Variants in AUTS2 observed in about 807,000 individuals in gnomAD.
AUTS2 encodes the protein autism susceptibility gene 2 protein.
AUTS2 carries 17 observed loss-of-function variants against 112.4 expected under a neutral mutation model. The observed-to-expected ratio is 0.15, with a 90% confidence interval of 0.10 to 0.23. AUTS2 has a LOEUF of 0.23. Ranked by LOEUF, AUTS2 falls within the 10% of genes least tolerant of loss-of-function variation. AUTS2 has a pLI of 1.00. For synonymous variants in AUTS2, 751 were observed against 702.7 expected (o/e 1.07, Z -1.09); for missense variants, 1,510 against 1,701.6 (o/e 0.89, Z 1.98).
Position 70,043,593 on chromosome 7 carries a change from CTTCCTTCCTTCCT to C in AUTS2, c.523-74536_523-74524del, listed in dbSNP as rs1223102031. Reference sequence around the variant, plus strand: ...CCTTCCTTCCTTCCTTCCTTCCTTCCTTCCTTCCTTCCTTTTTTTTTTTTTTTTATTTTTGGTC... The same window carrying C: ...CCTTCCTTCCTTCCTTCCTTCCTTCCTTTTTTTTTTTTTTTATTTTTGGTC... On this transcript the variant is annotated intron_variant, in intron 2 of 18. Transcript: ENST00000342771. 5.2e-4 allele frequency among the ~76,000 whole-genome samples: 39 copies of C among 74,932 alleles called. 1 individual carries two copies. The highest frequency in any genetic ancestry group is 9.3e-4 in the Non-Finnish European group (33 of 35,410). 49.2% of individuals were successfully genotyped at this position (74,932 alleles called of 152,430 possible). A position where few individuals can be genotyped will look rare whatever the true frequency, so the allele number is the denominator to read the frequency against.
chr7:70,535,630 G>T (rs992871923), intron 5 of AUTS2, among the ~76,000 whole-genome samples: 4 of 152,040 alleles, frequency 2.6e-5, no homozygotes, highest in Admixed American at 6.5e-5. Context: ...AGCCAGGCTG[G>T]TCTCAAACTC....
chr7:69,983,257 T>C (rs1019898778), intron 2 of AUTS2, among the ~76,000 whole-genome samples: 6 of 152,218 alleles, frequency 3.9e-5, no homozygotes, highest in Admixed American at 3.9e-4. Flanking sequence ...TTCTAATGTT[T>C]CTATGTGGCA....
At chr7:70,760,265 A>G (rs533038881) in intron 6 of AUTS2, among the ~76,000 whole-genome samples, 2 of 152,336 alleles carry the variant, frequency 1.3e-5, no homozygotes, top group East Asian at 3.9e-4. Context: ...TTGGCCTCCC[A>G]AAGTGCTGGG....
intron 2 of AUTS2, among the ~76,000 whole-genome samples, chr7:70,029,466 A>G (rs1800676940): frequency 6.6e-6 from 1 of 152,034 alleles, no homozygotes; most frequent in Admixed American, 6.6e-5. Flanking sequence ...AACTTATATT[A>G]TGACATACGG....
In AUTS2 at chr7:69,951,887, G is replaced by A. The variant is rs567122009; in HGVS notation, c.522+52389G>A. On this transcript the variant is annotated intron_variant, in intron 2 of 18. Transcript: ENST00000342771. ...ATTTGTGTGTTGGGTCCATTTGAAG[G>A]CTTCTTCCCCTGGCTCAAAATCTGG... Among the ~76,000 whole-genome samples, 4 of 152,264 alleles carry A rather than the reference G, an allele frequency of 2.6e-5. No homozygotes were observed. The South Asian group carries it at 8.3e-4, about 32-fold the overall frequency.
intron 1 of AUTS2, among the ~76,000 whole-genome samples, chr7:69,748,036 A>AT (rs58094879): frequency 0.099 from 15,082 of 151,746 alleles, 1,197 homozygotes; most frequent in African/African-American, 0.22. Context: ...AAATTTATGG[A>AT]TTTTTTCTTT....
chr7:70,493,602 A>G (rs959348236), intron 5 of AUTS2, among the ~76,000 whole-genome samples: 3 of 152,174 alleles, frequency 2.0e-5, no homozygotes, highest in Admixed American at 2.0e-4. Flanking sequence ...GAGCTGGGGG[A>G]AAACACATTA....
chr7:70,583,660 T>C (rs1030941432), intron 5 of AUTS2, among the ~76,000 whole-genome samples: 11 of 152,298 alleles, frequency 7.2e-5, no homozygotes, highest in Non-Finnish European at 1.6e-4. Context: ...AGAAAGAGCC[T>C]TTTGGGCCCA....
chr7:69,797,101 T>G (rs1789878226), intron 1 of AUTS2, among the ~76,000 whole-genome samples: 1 of 152,164 alleles, frequency 6.6e-6, no homozygotes, highest in Non-Finnish European at 1.5e-5. Flanking sequence ...TGGCTAAACT[T>G]CAACTTTTGG....
At chr7:69,670,555 CA>C (rs200373158) in intron 1 of AUTS2, among the ~76,000 whole-genome samples, 201 of 118,784 alleles carry the variant, frequency 1.7e-3, no homozygotes, top group Admixed American at 2.1e-3. Context: ...CTTGATCCCT[CA>C]AAAAAAAAAA....
At chr7:69,663,295 T>C (rs1795885704) in intron 1 of AUTS2, 1 of 152,196 alleles carries the variant, frequency 6.6e-6, no homozygotes, top group African/African-American at 2.4e-5. Flanking sequence ...GCTTTATTTA[T>C]GCTTTAAACA....
chr7:69,629,168 C>T (rs1282002129), intron 1 of AUTS2, among the ~76,000 whole-genome samples: 1 of 150,300 alleles, frequency 6.7e-6, no homozygotes, highest in Non-Finnish European at 1.5e-5. Flanking sequence ...GCCTCAAGAT[C>T]TATAAAATAA....
chr7:70,635,789 C>T (rs760983653), intron 5 of AUTS2, among the ~76,000 whole-genome samples: 2 of 152,214 alleles, frequency 1.3e-5, no homozygotes, highest in Non-Finnish European at 2.9e-5. Context: ...CCTGTGCATG[C>T]TGTTAGGTAA....
chr7:70,213,485 A>G (rs1811017668), intron 4 of AUTS2, among the ~76,000 whole-genome samples: 2 of 151,232 alleles, frequency 1.3e-5, no homozygotes, highest in South Asian at 4.2e-4. Context: ...GCAGGAAGCT[A>G]TGATCCTATC....
chr7:69,623,243 G>T (rs952661211), intron 1 of AUTS2, among the ~76,000 whole-genome samples: 1 of 152,004 alleles, frequency 6.6e-6, no homozygotes, highest in Non-Finnish European at 1.5e-5. Flanking sequence ...GTGACAGGGG[G>T]ACAAGGTCTC....
At chr7:69,869,621 A>G (rs1793392382) in intron 1 of AUTS2, among the ~76,000 whole-genome samples, 2 of 151,990 alleles carry the variant, frequency 1.3e-5, no homozygotes, top group Non-Finnish European at 2.9e-5. Context: ...TTCTTGGGGA[A>G]TCTTGGATTA....
At chr7:70,494,676 T>G (rs1208897835) in intron 5 of AUTS2, among the ~76,000 whole-genome samples, 1 of 151,814 alleles carries the variant, frequency 6.6e-6, no homozygotes, top group Non-Finnish European at 1.5e-5. Flanking sequence ...GACTGGAGAC[T>G]GCTGGAGGCC....
intron 4 of AUTS2, among the ~76,000 whole-genome samples, chr7:70,181,731 C>T (rs569519223): frequency 1.8e-4 from 27 of 151,614 alleles, no homozygotes; most frequent in African/African-American, 6.5e-4. Flanking sequence ...TCAGGTGATC[C>T]GCCCCCCTCG....
chr7:70,382,802 A>G (rs543547476), intron 4 of AUTS2, among the ~76,000 whole-genome samples: 1 of 152,168 alleles, frequency 6.6e-6, no homozygotes, highest in Non-Finnish European at 1.5e-5. Context: ...ACTGCATTGC[A>G]TTATGGTCAT....
Sources: gnomAD v4.1 joint callset for allele counts (sites outside exome capture counted in the v4.1 genomes callset) on GRCh38, gnomAD v4.1.1 for gene constraint, MANE v1.5 for transcripts, NCBI Gene and HGNC (gene_info 2026-07-23, HGNC 2026-07-21) for gene names.